IGSF1: variants seen among roughly 807,000 people sequenced by gnomAD.
IGSF1 encodes immunoglobulin-like domain-containing protein 1.
IGSF1 carries 40 observed loss-of-function variants against 95.3 expected under a neutral mutation model. The observed-to-expected ratio is 0.42, with a 90% CI of 0.33 to 0.55. The LOEUF is 0.55. Among genes scored for constraint, IGSF1 ranks in the 20% least tolerant of loss-of-function variants. The pLI is 0.10. For missense variants in IGSF1, 906 were observed against 1,025.4 expected, an observed-to-expected ratio of 0.88 and a Z score of 1.59; for synonymous variants, 372 against 382.9, an observed-to-expected ratio of 0.97 and a Z score of 0.33.
rs756919066 is a variant in IGSF1, at chrX:131,274,061, C to A, written c.3875+22G>T. The A allele has an allele frequency of 5.0e-6, 6 of 1,208,964 alleles. No individual in the cohort carries two copies. The African/African-American group carries it at 1.1e-4, about 21-fold the overall frequency. ...GCACCACCTGGTTCACAGAAGGGGG[C>A]CATAATGAGGCATTTATTTACCTGG... On this transcript the variant is annotated intron_variant, in intron 19 of 19. Coordinates refer to ENST00000361420, the MANE Select transcript of IGSF1 (RefSeq NM_001555.5).
At chrX:131,273,982 G>A (rs1360252567) in intron 19 of IGSF1, 51 bp from the exon 20 acceptor site, 1 of 1,200,444 alleles carries the variant, frequency 8.3e-7, no homozygotes, top group African/African-American at 1.8e-5. Context: ...ACTGAAAACA[G>A]ATTGCACGGT....
chrX:131,276,286 C>A (rs1235361692), intron 14 of IGSF1, 38 bp from the exon 15 acceptor site: 3 of 1,091,496 alleles, frequency 2.7e-6, no homozygotes, highest in African/African-American at 1.9e-5. Flanking sequence ...ATAAACCCAG[C>A]CCTCACATCC....
intron 6 of IGSF1, 89 bp from the exon 7 acceptor site, chrX:131,282,826 A>C: frequency 2.0e-6 from 2 of 1,006,854 alleles, no homozygotes; most frequent in Non-Finnish European, 2.7e-6. Context: ...CCTCCAAACC[A>C]CCCTTGGAAA....
Position 131,279,149 on chromosome X carries a change from C to T in IGSF1, c.1744G>A (p.Glu582Lys). The T allele has an allele frequency of 8.3e-7, 1 of 1,209,911 alleles. No individual in the cohort carries two copies. The highest frequency in any genetic ancestry group is 1.1e-6 in the Non-Finnish European group (1 of 893,615). ...TGGAGCAGGAAAAACTCACCAGTCT[C>T]TTCTATCAATACCCCATTGCACAGT... is the stretch of plus-strand genomic sequence containing the variant. ...CGLCNGVLIEETEIVMPTPKP... is the reference protein window; with the variant it reads ...CGLCNGVLIEKTEIVMPTPKP... Residue 582 changes from glutamate (E) to lysine (K), a missense_variant, in exon 11 of 20, where the codon GAG becomes AAG. This residue lies in a region of IGSF1 where 442 missense variants were observed against 448.1 expected (regional missense o/e 0.99). Transcript: ENST00000361420.
rs757277380 is a variant in IGSF1, at chrX:131,279,199, A to C, written c.1718-24T>G. On this transcript the variant is annotated intron_variant, in intron 10 of 19. Transcript: ENST00000361420. ...TCCTGCAAAAGAAATTGCTGCCAGG[A>C]CTCGGCCCCCTCCCCCACCGGGACT... 1.7e-5 allele frequency: 20 copies of C among 1,208,446 alleles called. No homozygotes were observed. The highest frequency in any genetic ancestry group is 4.6e-4 in the Middle Eastern group (2 of 4,348).
intron 1 of IGSF1, 129 bp downstream of exon 1, chrX:131,289,085 G>C: frequency 3.0e-6 from 1 of 338,651 alleles, no homozygotes. Context: ...TGGGGGGACA[G>C]ACTGGGGAGC....
chrX:131,276,689 T>C (rs761070630), intron 14 of IGSF1, among the ~76,000 whole-genome samples: 1 of 111,647 alleles, frequency 9.0e-6, no homozygotes, highest in Admixed American at 9.4e-5. Flanking sequence ...CTCTTGGGAT[T>C]AGACACCCCC....
At chrX:131,284,766 C>T (rs1461069012) in intron 5 of IGSF1, 1 of 801,573 alleles carries the variant, frequency 1.2e-6, no homozygotes, top group African/African-American at 2.2e-5. Context: ...ATTCTGTTTT[C>T]CACACATAAA....
chrX:131,276,004 G>C lies in IGSF1; in HGVS notation c.2853C>G (p.Asn951Lys). ...GGGGCATACTGAGATATGACCCCCT[G>C]TTTGACATGGTTGTCTCATAGTAGA... ...SCIYYETTMSNRGSYLSMPLM... is the reference protein window; with the variant it reads ...SCIYYETTMSKRGSYLSMPLM... The change falls in exon 15 of 20, where the codon AAC becomes AAG. Residue 951 changes from asparagine (N) to lysine (K), a missense_variant. Physicochemically the swap from Asn to Lys is moderately conservative, Grantham distance 94. Around this residue, in one of 5 missense-constraint regions of IGSF1, gnomAD observed 411 missense variants for 494.9 expected, o/e 0.83. Coordinates refer to ENST00000361420, the MANE Select transcript of IGSF1 (RefSeq NM_001555.5). 1 of 1,210,488 alleles carries C rather than the reference G, an allele frequency of 8.3e-7. No homozygotes were observed. The highest frequency in any genetic ancestry group is 1.7e-5 in the African/African-American group (1 of 57,696).
intron 16 of IGSF1, 70 bp downstream of exon 16, chrX:131,275,408 A>T (rs905061042): frequency 8.7e-7 from 1 of 1,143,596 alleles, no homozygotes; most frequent in African/African-American, 1.8e-5. Flanking sequence ...TCTGAAAACT[A>T]TCTCCCATGA....
chrX:131,283,625 G>A (rs895393626), intron 5 of IGSF1, among the ~76,000 whole-genome samples: 6 of 112,253 alleles, frequency 5.3e-5, no homozygotes, highest in Non-Finnish European at 1.1e-4. Context: ...TCTTTGCAGA[G>A]CATGAATGCC....
In IGSF1 at chrX:131,279,282, A is replaced by C. The variant is rs1277147662; in HGVS notation, c.1706T>G (p.Leu569Arg). The C allele has an allele frequency of 8.3e-7, 1 of 1,210,728 alleles. No individual in the cohort carries two copies. The highest frequency in any genetic ancestry group is 1.8e-5 in the South Asian group (1 of 56,908). The change falls in exon 10 of 20, where the codon CTT becomes CGT. Residue 569 changes from leucine (L) to arginine (R), a missense_variant. Physicochemically the swap from Leu to Arg is moderately radical, Grantham distance 102. This residue lies in a region of IGSF1 where 442 missense variants were observed against 448.1 expected (regional missense o/e 0.99). Coordinates refer to ENST00000361420, the MANE Select transcript of IGSF1 (RefSeq NM_001555.5). ...CCACTTGTACTCACCACAGCAGAGAAGGGCCGTGACTATGAAGAGCATGGT... is the reference window on the plus strand; with the variant it reads ...CCACTTGTACTCACCACAGCAGAGACGGGCCGTGACTATGAAGAGCATGGT... The part of the protein sequence containing the change: ...GVTMLFIVTA[L>R]LCCGLCNGVL...
intron 9 of IGSF1, among the ~76,000 whole-genome samples, chrX:131,280,554 G>C (rs1162507941): frequency 8.9e-6 from 1 of 112,034 alleles, no homozygotes; most frequent in African/African-American, 3.2e-5. Flanking sequence ...ATGGGGATGA[G>C]AGAGGCAGAT....
chrX:131,284,776 A>G, intron 5 of IGSF1: 1 of 826,636 alleles, frequency 1.2e-6, no homozygotes, highest in South Asian at 6.5e-5. Context: ...CCACACATAA[A>G]AATAACAATT....
intron 7 of IGSF1, 92 bp from the exon 8 acceptor site, chrX:131,282,036 C>T: frequency 4.8e-6 from 4 of 833,085 alleles, no homozygotes; most frequent in Non-Finnish European, 6.8e-6. Context: ...ATTTGATCTT[C>T]TCTTCCTTTC....
chrX:131,284,926 G>A, intron 5 of IGSF1: 1 of 710,610 alleles, frequency 1.4e-6, no homozygotes, highest in Non-Finnish European at 1.8e-6. Flanking sequence ...GAACAACAAA[G>A]CTGTGATGAG....
At chrX:131,278,814 C>A (rs983525296) in intron 11 of IGSF1, 63 bp from the exon 12 acceptor site, 118 of 1,036,361 alleles carry the variant, frequency 1.1e-4, no homozygotes, top group Non-Finnish European at 1.5e-4. Flanking sequence ...CCTCCTTGCC[C>A]TTGAACCCTC....
rs1015854997 is a variant in IGSF1 at position 131,278,476 on chromosome X, C to T, written c.2026G>A (p.Glu676Lys). ...ATTTTCTTACCTGTCCCCACCAGCTCAAGTGCCTCACTGGGCTCCGATACA... is the reference window on the plus strand; with the variant it reads ...ATTTTCTTACCTGTCCCCACCAGCTTAAGTGCCTCACTGGGCTCCGATACA... ...MAVSEPSEALELVGTDILPKP... is the reference protein window; with the variant it reads ...MAVSEPSEALKLVGTDILPKP... The change falls in exon 12 of 20, where the codon GAG becomes AAG. Residue 676 changes from glutamate (E) to lysine (K), a missense_variant. Transcript: ENST00000361420. 8.3e-7 allele frequency: 1 copy of T among 1,201,682 alleles called. No individual in the cohort carries two copies. The highest frequency in any genetic ancestry group is 2.3e-4 in the Middle Eastern group (1 of 4,295).
At chrX:131,274,332 C>G in intron 18 of IGSF1, 126 bp from the exon 19 acceptor site, 2 of 908,794 alleles carry the variant, frequency 2.2e-6, no homozygotes, top group Non-Finnish European at 1.5e-6. Flanking sequence ...GTTCAGACTA[C>G]AGAGGGGGTG....
Sources: gnomAD v4.1 joint callset for allele counts (sites outside exome capture counted in the v4.1 genomes callset) on GRCh38, gnomAD v4.1.1 for gene constraint, gnomAD v4.1.1 regional missense constraint, MANE v1.5 for transcripts, NCBI Gene and HGNC (gene_info 2026-07-23, HGNC 2026-07-21) for gene names.